KMT2C: variants seen among roughly 807,000 people sequenced by gnomAD.
The protein encoded by KMT2C is histone-lysine N-methyltransferase 2C.
KMT2C carries 88 observed loss-of-function variants against 507.9 expected under a neutral mutation model. The observed-to-expected ratio is 0.17, with a 90% CI of 0.15 to 0.21. The LOEUF (loss-of-function observed/expected upper bound fraction) is 0.21. Ranked by LOEUF, KMT2C falls within the 10% of genes least tolerant of loss-of-function variation. The pLI is 1.00. For synonymous variants in KMT2C, 2,049 were observed against 2,080.8 expected, an observed-to-expected ratio of 0.98 and a Z score of 0.42; for missense variants, 4,954 against 5,957.8, an observed-to-expected ratio of 0.83 and a Z score of 5.55.
At chr7:152,252,350 T>C (rs2095575330) in intron 10 of KMT2C, among the ~76,000 whole-genome samples, 196 bp downstream of exon 10, 1 of 152,236 alleles carries the variant, frequency 6.6e-6, no homozygotes, top group African/African-American at 2.4e-5. Context: ...TGATGTGGTC[T>C]GGTCTTATCT....
intron 2 of KMT2C, among the ~76,000 whole-genome samples, chr7:152,344,216 C>A (rs905435696): frequency 1.3e-5 from 2 of 152,176 alleles, no homozygotes; most frequent in Non-Finnish European, 2.9e-5. Flanking sequence ...GTGGTGCCAT[C>A]TTATCCATGG....
At chr7:152,278,032 C>A (rs1364032117) in intron 6 of KMT2C, among the ~76,000 whole-genome samples, 1 of 151,884 alleles carries the variant, frequency 6.6e-6, no homozygotes, top group African/African-American at 2.4e-5. Flanking sequence ...GATATTTGTC[C>A]CCGCCAAAAT....
chr7:152,411,010 AT>A lies in KMT2C; in HGVS notation c.161+24615del, dbSNP rs1182088239. Among the ~76,000 whole-genome samples the A allele has an allele frequency of 2.0e-4, 31 of 151,664 alleles. 1 individual carries two copies. The highest frequency in any genetic ancestry group is 6.8e-4 in the African/African-American group (28 of 41,276). ...AGAGCGAGACCAAGTCTCAAAAAAA[AT>A]ATATATATGGTGTGTGTATATATGT... On this transcript the variant is annotated intron_variant, in intron 1 of 58. Coordinates refer to ENST00000262189, the MANE Select transcript of KMT2C (RefSeq NM_170606.3).
chr7:152,309,796 C>T (rs2096654448), intron 6 of KMT2C, 170 bp downstream of exon 6: 1 of 489,818 alleles, frequency 2.0e-6, no homozygotes. Flanking sequence ...GCTGGGATTA[C>T]AGGTGTGAGC....
chr7:152,237,043 T>TG (rs2095288303), intron 15 of KMT2C, among the ~76,000 whole-genome samples: 1 of 152,206 alleles, frequency 6.6e-6, no homozygotes, highest in African/African-American at 2.4e-5. Context: ...CAGAGTATGG[T>TG]GTTCCCTGCC....
intron 1 of KMT2C, among the ~76,000 whole-genome samples, chr7:152,388,462 G>A (rs2097454333): frequency 6.6e-6 from 1 of 152,086 alleles, no homozygotes; most frequent in Non-Finnish European, 1.5e-5. Flanking sequence ...GGGAGGCTGA[G>A]GCAGAAGAAT....
intron 27 of KMT2C, among the ~76,000 whole-genome samples, chr7:152,198,555 T>A (rs989667339): frequency 6.6e-6 from 1 of 152,272 alleles, no homozygotes; most frequent in East Asian, 1.9e-4. Flanking sequence ...ATCAAGACAC[T>A]TACCTACCCA....
At chr7:152,215,222 A>G (rs1267673718) in intron 23 of KMT2C, among the ~76,000 whole-genome samples, 4 of 152,094 alleles carry the variant, frequency 2.6e-5, no homozygotes, top group Non-Finnish European at 5.9e-5. Flanking sequence ...ACAGTAAAAG[A>G]CTGAAAGAAA....
Position 152,174,646 on chromosome 7 carries a change from G to A in KMT2C, c.9263-404C>T, listed in dbSNP as rs185259536. 8.6e-5 allele frequency among the ~76,000 whole-genome samples: 13 copies of A among 152,010 alleles called. No homozygotes were observed. The East Asian group carries it at 2.5e-3, about 29-fold the overall frequency. On this transcript the variant is annotated intron_variant, in intron 38 of 58. Coordinates refer to ENST00000262189, the MANE Select transcript of KMT2C (RefSeq NM_170606.3). ...AAGAAAAATGCACCAATTTCTTAAG[G>A]GTATAACCTCTCAATAAGAAGCTAC...
chr7:152,209,454 CAAAA>C (rs71198766), intron 23 of KMT2C, among the ~76,000 whole-genome samples: 1 of 70,922 alleles, frequency 1.4e-5, no homozygotes, highest in Non-Finnish European at 3.1e-5. Context: ...GACTCCGTCT[CAAAA>C]AAAAAAAAAA....
At chr7:152,356,429 A>G (rs1027198682) in intron 2 of KMT2C, among the ~76,000 whole-genome samples, 3 of 152,050 alleles carry the variant, frequency 2.0e-5, no homozygotes, top group African/African-American at 7.2e-5. Context: ...TACAAAAATT[A>G]GCCGGGCGTG....
rs369767505 is a variant in KMT2C, at chr7:152,220,657, G to T, written c.3578C>A (p.Thr1193Lys). The stretch of plus-strand genomic sequence containing the variant: ...TTTTGACCGTTTTCTTCTTGGAACT[G>T]TAACTGTGAGGCTCTGTAACTGAGT... ...GMTQLQSLTVTVPRRKRSKPK... is the reference protein window; with the variant it reads ...GMTQLQSLTVKVPRRKRSKPK... Residue 1193 changes from threonine to lysine, a missense_variant, in exon 23 of 59, where the codon ACA (threonine) becomes AAA (lysine). Thr to Lys is a moderately conservative substitution (Grantham distance 78). This residue lies in a region of KMT2C where 176 missense variants were observed against 262.0 expected (regional missense o/e 0.67). Coordinates refer to ENST00000262189, the MANE Select transcript of KMT2C (RefSeq NM_170606.3). 2.5e-6 allele frequency: 4 copies of T among 1,611,532 alleles called. No homozygotes were observed. The South Asian group carries it at 4.4e-5, about 18-fold the overall frequency.
chr7:152,410,652 TTA>T, intron 1 of KMT2C, among the ~76,000 whole-genome samples: 1 of 147,982 alleles, frequency 6.8e-6, no homozygotes, highest in African/African-American at 2.5e-5. Flanking sequence ...TGTATAATTT[TTA>T]TATATGAGAT....
chr7:152,167,664 CT>C (rs917169860), intron 41 of KMT2C, among the ~76,000 whole-genome samples: 1 of 151,272 alleles, frequency 6.6e-6, no homozygotes. Context: ...TAATGAAATT[CT>C]TTTTTTTTAC....
chr7:152,324,259 T>C (rs868526896), intron 3 of KMT2C, among the ~76,000 whole-genome samples: 3 of 151,046 alleles, frequency 2.0e-5, no homozygotes, highest in South Asian at 4.2e-4. Flanking sequence ...GCAAAAGTGA[T>C]TGTGGTTCTG....
chr7:152,360,041 T>C (rs1458902971), intron 1 of KMT2C, among the ~76,000 whole-genome samples: 1 of 90,796 alleles, frequency 1.1e-5, no homozygotes, highest in Non-Finnish European at 1.9e-5. Context: ...AGAGTGAGAC[T>C]GTCTCAAACA....
At chr7:152,391,906 A>G (rs2097502077) in intron 1 of KMT2C, among the ~76,000 whole-genome samples, 2 of 152,272 alleles carry the variant, frequency 1.3e-5, no homozygotes, top group African/African-American at 4.8e-5. Context: ...AGATCTGGAA[A>G]AATTCTAGCT....
At chr7:152,346,683 C>T (rs2097060343) in intron 2 of KMT2C, among the ~76,000 whole-genome samples, 1 of 152,180 alleles carries the variant, frequency 6.6e-6, no homozygotes, top group African/African-American at 2.4e-5. Context: ...ATCTGTGTAA[C>T]TTTTGACTCC....
intron 28 of KMT2C, among the ~76,000 whole-genome samples, chr7:152,194,837 C>A: frequency 2.9e-5 from 4 of 139,324 alleles, no homozygotes; most frequent in African/African-American, 2.9e-5. Context: ...TTTAACTTGC[C>A]AACTCCTGCC....
Sources: allele counts gnomAD v4.1 joint callset (sites outside exome capture counted in the v4.1 genomes callset), GRCh38; gene constraint gnomAD v4.1.1; regional missense constraint gnomAD v4.1.1; transcripts MANE v1.5; gene names NCBI Gene and HGNC (gene_info 2026-07-23, HGNC 2026-07-21).